Variants in PCDH15 observed in about 807,000 individuals in gnomAD.
The protein encoded by PCDH15 is protocadherin related 15, also known as protocadherin-15.
PCDH15 carries 129 observed loss-of-function variants against 178.5 expected under a neutral mutation model. That is an observed-to-expected ratio of 0.72 (90% CI 0.63 to 0.84). The LOEUF (loss-of-function observed/expected upper bound fraction) is 0.84, where lower values mean the gene tolerates loss of function less well. Ranked by LOEUF, PCDH15 falls within the 40% of genes least tolerant of loss-of-function variation. The probability of loss-of-function intolerance (pLI) is 0.00; values close to 1 mark genes in which losing one functional copy is unlikely to be tolerated. For synonymous variants in PCDH15, 800 were observed against 732.0 expected, an observed-to-expected ratio of 1.09 and a Z score of -1.50; for missense variants, 2,230 against 2,099.9, an observed-to-expected ratio of 1.06 and a Z score of -1.21.
At chr10:55,426,778 A>G (rs1381255511) in intron 2 of PCDH15, among the ~76,000 whole-genome samples, 2 of 152,138 alleles carry the variant, frequency 1.3e-5, no homozygotes, top group East Asian at 3.9e-4. Flanking sequence ...AAGGGACCTG[A>G]AAAGGAGATA....
chr10:54,346,312 CATTA>C (rs1943275235), intron 6 of PCDH15, 49 bp downstream of exon 6: 1 of 1,556,834 alleles, frequency 6.4e-7, no homozygotes, highest in African/African-American at 1.4e-5. Flanking sequence ...CTGAAAAAAT[CATTA>C]ATTTTATTCC....
At chr10:53,959,955 A>G in intron 22 of PCDH15, 111 bp from the exon 23 acceptor site, 1 of 830,604 alleles carries the variant, frequency 1.2e-6, no homozygotes, top group Non-Finnish European at 2.0e-6. Context: ...CAGAAGGGGA[A>G]GCAATGATCA....
At chr10:54,920,965 T>A (rs943508893) in intron 2 of PCDH15, among the ~76,000 whole-genome samples, 1 of 152,328 alleles carries the variant, frequency 6.6e-6, no homozygotes, top group Non-Finnish European at 1.5e-5. Context: ...TGCCTTAAAA[T>A]CATACTGCCT....
At chr10:54,003,166 T>TAAACA (rs1401849123) in intron 20 of PCDH15, among the ~76,000 whole-genome samples, 2 of 151,974 alleles carry the variant, frequency 1.3e-5, no homozygotes, top group East Asian at 3.9e-4. Flanking sequence ...AAACTTCAAC[T>TAAACA]AAACAAAACA....
chr10:55,177,575 G>A (rs1042186227), intron 1 of PCDH15, among the ~76,000 whole-genome samples: 1 of 152,160 alleles, frequency 6.6e-6, no homozygotes, highest in African/African-American at 2.4e-5. Context: ...CTAAGTTAAC[G>A]ATGGGGAATA....
chr10:53,999,150 A>C (rs759408866), intron 20 of PCDH15, among the ~76,000 whole-genome samples: 3 of 152,098 alleles, frequency 2.0e-5, no homozygotes, highest in Non-Finnish European at 2.9e-5. Context: ...AGACAGTATA[A>C]GCCAATGGGC....
intron 1 of PCDH15, among the ~76,000 whole-genome samples, chr10:55,208,770 G>A (rs1445276264): frequency 2.0e-5 from 3 of 151,976 alleles, no homozygotes; most frequent in African/African-American, 7.3e-5. Context: ...GCTTAAGGAA[G>A]CTTGACAAAA....
intron 1 of PCDH15, among the ~76,000 whole-genome samples, chr10:54,778,126 G>A (rs1288276444): frequency 6.6e-6 from 1 of 152,140 alleles, no homozygotes; most frequent in Non-Finnish European, 1.5e-5. Flanking sequence ...ACCCAATTTT[G>A]CACTCATCTT....
intron 2 of PCDH15, among the ~76,000 whole-genome samples, chr10:55,012,825 A>G (rs534219612): frequency 1.3e-5 from 2 of 152,132 alleles, no homozygotes; most frequent in African/African-American, 4.8e-5. Context: ...CTCCTTAAAA[A>G]AAGGTACCAT....
At chr10:55,016,353 TTCTA>T (rs1456484883) in intron 2 of PCDH15, among the ~76,000 whole-genome samples, 7 of 152,134 alleles carry the variant, frequency 4.6e-5, no homozygotes, top group African/African-American at 1.7e-4. Flanking sequence ...ATCTTATTTA[TTCTA>T]TCTAACTATA....
intron 6 of PCDH15, among the ~76,000 whole-genome samples, chr10:54,332,383 A>G: frequency 2.0e-5 from 1 of 50,308 alleles, no homozygotes; most frequent in African/African-American, 8.1e-5. Context: ...TATAATATAT[A>G]TATAGTAAAT....
chr10:54,589,338 T>C (rs1340457101), intron 2 of PCDH15, among the ~76,000 whole-genome samples: 1 of 152,136 alleles, frequency 6.6e-6, no homozygotes, highest in Admixed American at 6.5e-5. Context: ...GAAATAAAAT[T>C]AGGTAATTAT....
chr10:55,488,755 T>G (rs1191669994), intron 2 of PCDH15, among the ~76,000 whole-genome samples: 1 of 151,628 alleles, frequency 6.6e-6, no homozygotes, highest in East Asian at 2.0e-4. Context: ...AAAATTATCA[T>G]GAGAAGTATA....
chr10:55,177,407 A>G (rs1475312556), intron 1 of PCDH15, among the ~76,000 whole-genome samples: 2 of 152,140 alleles, frequency 1.3e-5, no homozygotes, highest in East Asian at 1.9e-4. Context: ...CTTATGGATC[A>G]GAAAGGAAGA....
chr10:53,933,631 C>CTT (rs2085292305), intron 25 of PCDH15, among the ~76,000 whole-genome samples: 1 of 152,260 alleles, frequency 6.6e-6, no homozygotes, highest in Non-Finnish European at 1.5e-5. Context: ...CCACAATAAA[C>CTT]ATATGTGTGC....
chr10:54,772,309 A>G (rs1438028003), intron 1 of PCDH15, among the ~76,000 whole-genome samples: 1 of 152,208 alleles, frequency 6.6e-6, no homozygotes, highest in Non-Finnish European at 1.5e-5. Flanking sequence ...TGTAATGTTC[A>G]TGTTCAAACA....
At chr10:54,127,781 A>G (rs16905577) in intron 15 of PCDH15, among the ~76,000 whole-genome samples, 4,355 of 152,222 alleles carry the variant, frequency 0.029, 225 homozygotes, top group African/African-American at 0.098. Flanking sequence ...TATTCTTCCC[A>G]AGATCTTTTC....
chr10:54,667,900 T>C (rs2094597437), intron 1 of PCDH15, among the ~76,000 whole-genome samples: 1 of 152,124 alleles, frequency 6.6e-6, no homozygotes, highest in Non-Finnish European at 1.5e-5. Context: ...AGTATTCTGT[T>C]GTCAAAATAC....
At chr10:55,473,891 T>C (rs1054620953) in intron 2 of PCDH15, among the ~76,000 whole-genome samples, 1 of 152,202 alleles carries the variant, frequency 6.6e-6, no homozygotes, top group Non-Finnish European at 1.5e-5. Flanking sequence ...TTTCTTATTT[T>C]TGACAACTAT....
Sources: allele counts gnomAD v4.1 joint callset (sites outside exome capture counted in the v4.1 genomes callset), GRCh38; gene constraint gnomAD v4.1.1; transcripts MANE v1.5; gene names NCBI Gene and HGNC (gene_info 2026-07-23, HGNC 2026-07-21).